The following AAMDC variants were observed in gnomAD, a reference collection of about 807,000 sequenced individuals.
AAMDC encodes the protein mth938 domain-containing protein.
A neutral mutation model predicts 15.5 loss-of-function variants in AAMDC; 16 were observed. The observed-to-expected ratio is 1.03, with a 90% confidence interval of 0.70 to 1.57. AAMDC has a LOEUF of 1.57. Ranked by LOEUF, AAMDC falls within the 40% of genes most tolerant of loss-of-function variation. AAMDC has a pLI of 0.00. For missense variants in AAMDC, 141 were observed against 144.9 expected, an observed-to-expected ratio of 0.97 and a Z score of 0.14; for synonymous variants, 51 against 51.6, an observed-to-expected ratio of 0.99 and a Z score of 0.05.
At chr11:77,883,264 C>G (rs1951863756) in intron 5 of AAMDC, among the ~76,000 whole-genome samples, 1 of 152,056 alleles carries the variant, frequency 6.6e-6, no homozygotes, top group African/African-American at 2.4e-5. Flanking sequence ...AATTCTGCCC[C>G]CTATTCTAGG....
chr11:77,870,493 C>A (rs907208387), intron 3 of AAMDC, among the ~76,000 whole-genome samples: 1 of 151,742 alleles, frequency 6.6e-6, no homozygotes, highest in Middle Eastern at 3.4e-3. Context: ...CCCACCACCA[C>A]GCCTGGCTAA....
downstream of AAMDC, among the ~76,000 whole-genome samples, chr11:77,905,349 T>G (rs1952914113): frequency 1.3e-5 from 2 of 151,416 alleles, no homozygotes; most frequent in South Asian, 4.2e-4. Flanking sequence ...CCCAGCTACT[T>G]GGGAGACTGA....
In AAMDC at chr11:77,872,252, G is replaced by A; in HGVS notation, c.306G>A (p.Lys102=). The A allele has an allele frequency of 6.2e-7, 1 of 1,613,818 alleles. No homozygotes were observed. ...VRVLQTEQAV[K]EYNALVAQGV... Reference sequence around the variant, plus strand: ...TCCTCCAGACAGAGCAGGCAGTGAAGGAGTATAATGCCTTGGTTGCCCAAG... The same window carrying A: ...TCCTCCAGACAGAGCAGGCAGTGAAAGAGTATAATGCCTTGGTTGCCCAAG... The change falls in exon 4 of 4, where the codon AAG becomes AAA. Residue 102 remains lysine, a synonymous_variant. Coordinates refer to ENST00000393427, the MANE Select transcript of AAMDC (RefSeq NM_024684.4).
At chr11:77,885,541 G>A (rs556759403) in intron 5 of AAMDC, among the ~76,000 whole-genome samples, 11 of 152,102 alleles carry the variant, frequency 7.2e-5, no homozygotes, top group South Asian at 4.2e-4. Context: ...GGGGAGGGCC[G>A]GGCACAGTGG....
chr11:77,825,060 A>G (rs1434581072), intron 1 of AAMDC, among the ~76,000 whole-genome samples: 4 of 152,148 alleles, frequency 2.6e-5, no homozygotes, highest in Non-Finnish European at 5.9e-5. Flanking sequence ...AGCTCACTGC[A>G]TGCTCCGACT....
downstream of AAMDC, among the ~76,000 whole-genome samples, chr11:77,872,666 G>C (rs1402508803): frequency 1.3e-5 from 2 of 152,160 alleles, no homozygotes; most frequent in African/African-American, 4.8e-5. Context: ...TTCAACTATA[G>C]GCCAGGCGCC....
At chr11:77,899,848 A>C in intron 5 of AAMDC, among the ~76,000 whole-genome samples, 1 of 152,080 alleles carries the variant, frequency 6.6e-6, no homozygotes, top group Non-Finnish European at 1.5e-5. Context: ...ACATCTTTAT[A>C]ATCTATGTTT....
intron 2 of AAMDC, chr11:77,850,739 G>A (rs1196056289): frequency 6.6e-6 from 1 of 150,964 alleles, no homozygotes; most frequent in Non-Finnish European, 1.5e-5. Flanking sequence ...ATTTTACCAT[G>A]TTTGTTTCTT....
chr11:77,871,358 ATATT>A (rs1405246867), intron 3 of AAMDC, among the ~76,000 whole-genome samples: 1 of 152,246 alleles, frequency 6.6e-6, no homozygotes, highest in Non-Finnish European at 1.5e-5. Context: ...TCATTTACAG[ATATT>A]TATTAAGCAT....
chr11:77,860,174 T>C (rs1169324829), intron 2 of AAMDC, among the ~76,000 whole-genome samples: 1 of 152,220 alleles, frequency 6.6e-6, no homozygotes, highest in Non-Finnish European at 1.5e-5. Flanking sequence ...AGCTTAACAC[T>C]GGGGCTTGGG....
chr11:77,901,565 A>C (rs1952778248), downstream of AAMDC: 1 of 1,572,034 alleles, frequency 6.4e-7, no homozygotes, highest in Non-Finnish European at 8.8e-7. Flanking sequence ...TAAAGGAAAG[A>C]TAATTAACAA....
At chr11:77,887,562 T>C (rs978736895) in intron 5 of AAMDC, among the ~76,000 whole-genome samples, 37 of 152,270 alleles carry the variant, frequency 2.4e-4, no homozygotes, top group Admixed American at 1.3e-3. Context: ...GTGTTGGAAG[T>C]GCTGGCCAGG....
chr11:77,841,867 A>G (rs1194471157), intron 1 of AAMDC, among the ~76,000 whole-genome samples: 1 of 152,146 alleles, frequency 6.6e-6, no homozygotes, highest in African/African-American at 2.4e-5. Context: ...TGCCACTGAG[A>G]TCACCTTTTT....
rs758966519 is a variant in AAMDC at position 77,872,194 on chromosome 11, A to G, written c.248A>G (p.Glu83Gly). 11 of 1,613,394 alleles carry G rather than the reference A, an allele frequency of 6.8e-6. No homozygotes were observed. Among genetic ancestry groups the G allele is most frequent in the Non-Finnish European group, 8.5e-6 (10 of 1,179,762 alleles). The change falls in exon 4 of 4, where the codon GAG becomes GGG. Residue 83 changes from glutamate (E) to glycine (G), a missense_variant. Glu to Gly is a moderately conservative substitution (Grantham distance 98, BLOSUM62 -2). Coordinates refer to ENST00000393427, the MANE Select transcript of AAMDC (RefSeq NM_024684.4). ...TCCCAGGTGCCTTCATCAACTGTGG[A>G]GTACCTCAAGAAACATGGCATTGAT... is the stretch of plus-strand genomic sequence containing the variant. Reference protein sequence around the residue: ...EALKVPSSTVEYLKKHGIDVR... With the variant: ...EALKVPSSTVGYLKKHGIDVR...
At chr11:77,880,924 AAAACAAACAAAC>A (rs532440350) in intron 5 of AAMDC, among the ~76,000 whole-genome samples, 19 of 152,142 alleles carry the variant, frequency 1.2e-4, no homozygotes, top group African/African-American at 4.6e-4. Context: ...ACCCTGTCTC[AAAACAAACAAAC>A]AAACAAACAA....
intron 5 of AAMDC, chr11:77,878,844 C>T: frequency 1.2e-6 from 1 of 829,672 alleles, no homozygotes; most frequent in South Asian, 1.4e-5. Context: ...GGGTCACATA[C>T]TCCTTAAGCC....
chr11:77,838,220 G>GTTTGCGTGTT (rs150514688), intron 1 of AAMDC, among the ~76,000 whole-genome samples: 1 of 152,082 alleles, frequency 6.6e-6, no homozygotes, highest in East Asian at 1.9e-4. Flanking sequence ...GATGTAGACT[G>GTTTGCGTGTT]TGACTGTTAG....
chr11:77,898,975 G>A (rs1260825887), intron 5 of AAMDC, among the ~76,000 whole-genome samples: 6 of 152,152 alleles, frequency 3.9e-5, no homozygotes, highest in South Asian at 2.1e-4. Context: ...AGTTGAGATC[G>A]TGCCACTGCA....
rs1433995439 is a variant in AAMDC, at chr11:77,841,338, T to A, written c.-18-1141T>A. On this transcript the variant is annotated intron_variant, in intron 1 of 3. Transcript: ENST00000393427. Reference sequence around the variant, plus strand: ...AATCTATGAATTCTCCCATGCAATATGTGTCTACTTTAGTCTCTGTTCTGT... The same window carrying A: ...AATCTATGAATTCTCCCATGCAATAAGTGTCTACTTTAGTCTCTGTTCTGT... 4 of 659,124 alleles carry A rather than the reference T, an allele frequency of 6.1e-6. No individual in the cohort carries two copies. The East Asian group carries it at 1.1e-4, about 18-fold the overall frequency. The allele number at this position is 659,124 out of a possible 1,614,324, so 40.8% of individuals were successfully genotyped here. A position where few individuals can be genotyped will look rare whatever the true frequency, so the allele number is the denominator to read the frequency against.
Sources: allele counts gnomAD v4.1 joint callset (sites outside exome capture counted in the v4.1 genomes callset), GRCh38; gene constraint gnomAD v4.1.1; transcripts MANE v1.5; gene names NCBI Gene and HGNC (gene_info 2026-07-23, HGNC 2026-07-21).